The following CRMP1 variants were observed in gnomAD, a reference collection of about 807,000 sequenced individuals.
CRMP1 encodes dihydropyrimidinase-related protein 1.
CRMP1 carries 19 observed loss-of-function variants against 68.3 expected under a neutral mutation model. The ratio of observed to expected loss-of-function variants is 0.28; its 90% CI spans 0.19 to 0.41. The LOEUF is 0.41. Ranked by LOEUF, CRMP1 falls within the 10% of genes least tolerant of loss-of-function variation. CRMP1 has a pLI of 1.00. For synonymous variants in CRMP1, 439 were observed against 399.6 expected, an observed-to-expected ratio of 1.10 and a Z score of -1.18; for missense variants, 791 against 967.4, an observed-to-expected ratio of 0.82 and a Z score of 2.42.
chr4:5,868,261 CTATATATATATATATATATA>C (rs60816757), intron 1 of CRMP1, among the ~76,000 whole-genome samples: 15,995 of 111,686 alleles, frequency 0.14, 1,428 homozygotes, highest in African/African-American at 0.25. Flanking sequence ...GACTATATAT[CTATATATATATATATATATA>C]TATATATATA....
In CRMP1 at chr4:5,892,680, C is replaced by T. The variant is rs992744518; in HGVS notation, c.290G>A (p.Ser97Asn). ...CCGCTCGTCGCGCTCTCCGGGAGAGCTGACCGCGGAGCCCGAGGGCTCGCT... is the reference window on the plus strand; with the variant it reads ...CCGCTCGTCGCGCTCTCCGGGAGAGTTGACCGCGGAGCCCGAGGGCTCGCT... ...DVSEPSGSAV[S>N]SPGERDERPP... Residue 97 changes from serine (S) to asparagine (N), a missense_variant, in exon 1 of 14, where the codon AGC becomes AAC. Physicochemically the swap from Ser to Asn is conservative, Grantham distance 46. This residue lies in a region of CRMP1 where 193 missense variants were observed against 186.3 expected (regional missense o/e 1.04). Coordinates refer to ENST00000324989, the MANE Select transcript of CRMP1 (RefSeq NM_001014809.3). This position sits in a 1 kb window ranked among gnomAD's most constrained non-coding sequence, Gnocchi z 8.6. 11 of 1,217,464 alleles carry T rather than the reference C, an allele frequency of 9.0e-6. No individual in the cohort carries two copies. The African/African-American group carries it at 1.4e-4, about 16-fold the overall frequency. The allele number at this position is 1,217,464 out of a possible 1,614,324, so 75.4% of individuals were successfully genotyped here.
rs950455393 is a variant in CRMP1 at position 5,824,515 on chromosome 4, T to A, written c.1969+979A>T. The A allele has an allele frequency of 2.6e-5, 26 of 985,226 alleles. No homozygotes were observed. The African/African-American group carries it at 4.4e-4, about 17-fold the overall frequency. The allele number at this position is 985,226 out of a possible 1,614,324, so 61.0% of individuals were successfully genotyped here. On this transcript the variant is annotated intron_variant, in intron 13 of 13. Transcript: ENST00000324989. ...CTCTCTCTCTCTTTGCCCCTTCCAC[T>A]CTCTCTTTTGCTAAGCATATCGCCT...
chr4:5,824,506 C>T, intron 13 of CRMP1: 1 of 985,130 alleles, frequency 1.0e-6, no homozygotes, highest in Non-Finnish European at 1.2e-6. Flanking sequence ...CTCTCTTTGC[C>T]CCTTCCACTC....
intron 3 of CRMP1, among the ~76,000 whole-genome samples, chr4:5,856,846 A>G (rs1404420062): frequency 6.9e-6 from 1 of 144,108 alleles, no homozygotes; most frequent in Non-Finnish European, 1.5e-5. Context: ...TATCACCACT[A>G]TCATTGTCAC....
intron 1 of CRMP1, among the ~76,000 whole-genome samples, chr4:5,882,768 G>C (rs1292734461): frequency 2.0e-5 from 3 of 152,174 alleles, no homozygotes; most frequent in Admixed American, 6.5e-5. Context: ...AGAACTTCCA[G>C]TGCCTTCCTA....
At chr4:5,869,478 C>A (rs1006278590) in intron 1 of CRMP1, among the ~76,000 whole-genome samples, 10 of 151,306 alleles carry the variant, frequency 6.6e-5, no homozygotes, top group Admixed American at 3.3e-4. Context: ...GTCAGGAGAT[C>A]GAGACCATCC....
At chr4:5,863,945 A>G (rs1230955042) in intron 2 of CRMP1, among the ~76,000 whole-genome samples, 1 of 152,216 alleles carries the variant, frequency 6.6e-6, no homozygotes, top group Non-Finnish European at 1.5e-5. Flanking sequence ...ACTCAGCTTC[A>G]CAAGTCCGGA....
At chr4:5,837,100 T>C (rs1056037201) in intron 9 of CRMP1, among the ~76,000 whole-genome samples, 194 bp from the exon 10 acceptor site, 7 of 152,220 alleles carry the variant, frequency 4.6e-5, no homozygotes, top group Admixed American at 4.6e-4. Flanking sequence ...ACTGGCCTCA[T>C]GCTTTGCACG....
intron 13 of CRMP1, among the ~76,000 whole-genome samples, chr4:5,823,104 C>T (rs57973737): frequency 0.054 from 8,234 of 152,226 alleles, 422 homozygotes; most frequent in African/African-American, 0.13. Flanking sequence ...GAAGGAGACT[C>T]AAGTTTCAGT....
At position 5,841,211 on chromosome 4, in the gene CRMP1, C is replaced by T; in HGVS notation, c.1153+97G>A. ...CCCGCTCCACCCCTCCCTCCTCCGG[C>T]TGCCTGTCTGAGTTCGGGAGGGAGT... is the stretch of plus-strand genomic sequence containing the variant. On this transcript the variant is annotated intron_variant, in intron 8 of 13. Coordinates refer to ENST00000324989, the MANE Select transcript of CRMP1 (RefSeq NM_001014809.3). This position sits in a 1 kb window ranked among gnomAD's most constrained non-coding sequence, Gnocchi z 6.9. The T allele has an allele frequency of 6.3e-7, 1 of 1,590,568 alleles. No individual in the cohort carries two copies. Among genetic ancestry groups the T allele is most frequent in the Non-Finnish European group, 8.6e-7 (1 of 1,161,322 alleles).
intron 1 of CRMP1, chr4:5,887,844 A>T: frequency 1.0e-6 from 1 of 998,940 alleles, no homozygotes; most frequent in South Asian, 4.7e-5. Context: ...CGAGCCAAGG[A>T]GGCTCAGCTC....
rs60816757 is a variant in CRMP1 at position 5,868,261 on chromosome 4, CTATATATATATATATATATATA to C, written c.382-1527_382-1506del. On this transcript the variant is annotated intron_variant, in intron 1 of 13. Coordinates refer to ENST00000324989, the MANE Select transcript of CRMP1 (RefSeq NM_001014809.3). ...CCGCACATTCTTCATGACTATATAT[CTATATATATATATATATATATA>C]TATATATATATATATATATACATAA... Among the ~76,000 whole-genome samples the C allele has an allele frequency of 3.2e-3, 353 of 111,468 alleles. 1 individual carries two copies. Among genetic ancestry groups the C allele is most frequent in the East Asian group, 8.7e-3 (33 of 3,790 alleles). 73.1% of individuals were successfully genotyped at this position (111,468 alleles called of 152,430 possible).
At chr4:5,851,849 G>A (rs189814937) in intron 4 of CRMP1, among the ~76,000 whole-genome samples, 86 of 149,716 alleles carry the variant, frequency 5.7e-4, no homozygotes, top group African/African-American at 1.8e-3. Flanking sequence ...GGGAGGAGGA[G>A]GAGGAAGAGG....
intron 1 of CRMP1, among the ~76,000 whole-genome samples, chr4:5,878,466 T>G (rs1388476194): frequency 6.6e-6 from 1 of 152,154 alleles, no homozygotes; most frequent in Admixed American, 6.5e-5. Flanking sequence ...CTCGGAAAAC[T>G]GCAAAAGGCT....
Position 5,839,510 on chromosome 4 carries a change from C to T in CRMP1, c.1310+12G>A. Reference sequence around the variant, plus strand: ...GCTGCCTCCCCCAGCCCCACGTTCTCACAGGTCTCACCAGGCCAGTAGGGA... The same window carrying T: ...GCTGCCTCCCCCAGCCCCACGTTCTTACAGGTCTCACCAGGCCAGTAGGGA... On this transcript the variant is annotated intron_variant, in intron 9 of 13. Transcript: ENST00000324989. 1 of 1,600,650 alleles carries T rather than the reference C, an allele frequency of 6.2e-7. No individual in the cohort carries two copies. Among genetic ancestry groups the T allele is most frequent in the Non-Finnish European group, 8.5e-7 (1 of 1,173,746 alleles).
intron 12 of CRMP1, chr4:5,826,446 G>C (rs1420572132): frequency 6.6e-6 from 1 of 152,562 alleles, no homozygotes; most frequent in Non-Finnish European, 1.5e-5. Flanking sequence ...GGCTGGGGAT[G>C]CTGTGGGGAG....
chr4:5,888,367 C>A lies in CRMP1; in HGVS notation c.381+4222G>T. ...TCCCAGCGGGCGCGCTGACAAAGGC[C>A]CGGGAGGGATAGAGACACGGACGGA... is the stretch of plus-strand genomic sequence containing the variant. On this transcript the variant is annotated intron_variant, in intron 1 of 13. Coordinates refer to ENST00000324989, the MANE Select transcript of CRMP1 (RefSeq NM_001014809.3). The surrounding 1 kb of genome is among the most constrained non-coding windows in gnomAD (Gnocchi z 6.4). 8.1e-7 allele frequency: 1 copy of A among 1,228,788 alleles called. No homozygotes were observed. Among genetic ancestry groups the A allele is most frequent in the Non-Finnish European group, 1.0e-6 (1 of 983,316 alleles). The allele number at this position is 1,228,788 out of a possible 1,614,324, so 76.1% of individuals were successfully genotyped here. A position where few individuals can be genotyped will look rare whatever the true frequency, so the allele number is the denominator to read the frequency against.
intron 1 of CRMP1, among the ~76,000 whole-genome samples, chr4:5,868,926 T>C (rs1714238429): frequency 6.6e-6 from 1 of 152,192 alleles, no homozygotes; most frequent in African/African-American, 2.4e-5. Flanking sequence ...TTGTTTATTA[T>C]TAATGTTTGT....
At position 5,823,051 on chromosome 4, in the gene CRMP1, T is replaced by C. The variant is rs146135681; in HGVS notation, c.1970-1200A>G. 1.6e-4 allele frequency among the ~76,000 whole-genome samples: 25 copies of C among 152,314 alleles called. No homozygotes were observed. In the East Asian group the frequency reaches 4.2e-3, roughly 26 times the overall value. Reference sequence around the variant, plus strand: ...AACTGTCTTGGTGAATTTTTTTTACTAGCTGCAGAACACTGGCCCCAGGTA... The same window carrying C: ...AACTGTCTTGGTGAATTTTTTTTACCAGCTGCAGAACACTGGCCCCAGGTA... On this transcript the variant is annotated intron_variant, in intron 13 of 13. Transcript: ENST00000324989.
Sources: allele counts gnomAD v4.1 joint callset (sites outside exome capture counted in the v4.1 genomes callset), GRCh38; gene constraint gnomAD v4.1.1; regional missense constraint gnomAD v4.1.1; non-coding constraint Gnocchi (gnomAD v3.1); transcripts MANE v1.5; gene names NCBI Gene and HGNC (gene_info 2026-07-23, HGNC 2026-07-21).